The following RAB11FIP2 variants were observed in gnomAD, a reference collection of about 807,000 sequenced individuals.
The protein encoded by RAB11FIP2 is rab11 family-interacting protein 2.
Under a neutral mutation model 40.9 loss-of-function variants are expected in RAB11FIP2, and 16 were observed. The observed-to-expected ratio is 0.39, with a 90% CI of 0.26 to 0.59. RAB11FIP2 has a LOEUF of 0.59. Ranked by LOEUF, RAB11FIP2 falls within the 20% of genes least tolerant of loss-of-function variation. RAB11FIP2 has a pLI of 0.53. For synonymous variants in RAB11FIP2, 228 were observed against 213.7 expected, an observed-to-expected ratio of 1.07 and a Z score of -0.58; for missense variants, 532 against 606.2, an observed-to-expected ratio of 0.88 and a Z score of 1.28.
chr10:118,032,392 G>A (rs1846425229), intron 3 of RAB11FIP2, among the ~76,000 whole-genome samples: 1 of 149,142 alleles, frequency 6.7e-6, no homozygotes, highest in South Asian at 2.1e-4. Context: ...GTGTGTGTGT[G>A]TGCATTAGGT....
At chr10:118,041,629 A>C (rs574426658) in intron 1 of RAB11FIP2, among the ~76,000 whole-genome samples, 10 of 152,254 alleles carry the variant, frequency 6.6e-5, no homozygotes, top group Admixed American at 3.3e-4. Flanking sequence ...GAGTGTAACA[A>C]ATTTTCTTAG....
chr10:118,040,508 CT>C lies in RAB11FIP2; in HGVS notation c.410del (p.Lys137ArgfsTer7). On this transcript the variant is annotated frameshift_variant, in exon 2 of 5. Coordinates refer to ENST00000355624, the MANE Select transcript of RAB11FIP2 (RefSeq NM_014904.3). LOFTEE classifies it high-confidence loss of function. ...TGTTCCTCATAAACTGAATATTGAC[CT>C]TTATCTCACCCCTGTTTTTGATTCG... Reference protein sequence around the residue: ...GKRIKNRGEIKVNIQFMRNNM... With the variant: ...GKRIKNRGEIXVNIQFMRNNM... 6.2e-7 allele frequency: 1 copy of C among 1,612,718 alleles called. No individual in the cohort carries two copies. The highest frequency in any genetic ancestry group is 8.5e-7 in the Non-Finnish European group (1 of 1,179,452).
chr10:118,019,038 C>T (rs987817730), intron 3 of RAB11FIP2, among the ~76,000 whole-genome samples: 1 of 150,670 alleles, frequency 6.6e-6, no homozygotes, highest in Non-Finnish European at 1.5e-5. Flanking sequence ...AAAAACCCTA[C>T]ATAAGAACAA....
intron 3 of RAB11FIP2, among the ~76,000 whole-genome samples, chr10:118,020,706 C>T (rs865989115): frequency 1.3e-5 from 2 of 152,316 alleles, no homozygotes; most frequent in South Asian, 4.1e-4. Context: ...CTGTACTATT[C>T]CTTCTTGATG....
intron 4 of RAB11FIP2, 144 bp downstream of exon 4, chr10:118,014,921 T>C: frequency 1.6e-6 from 1 of 617,928 alleles, no homozygotes. Flanking sequence ...ACTTTCTTTC[T>C]TTCTCCTAAA....
chr10:118,027,208 G>C (rs1846353428), intron 3 of RAB11FIP2, among the ~76,000 whole-genome samples: 1 of 152,152 alleles, frequency 6.6e-6, no homozygotes, highest in Admixed American at 6.5e-5. Context: ...CCATTTTACA[G>C]TTGGAAAAAT....
Position 118,007,557 on chromosome 10 carries a change from A to G in RAB11FIP2, c.*1441T>C, listed in dbSNP as rs1846108200. 6.6e-6 allele frequency: 1 copy of G among 152,028 alleles called. No individual in the cohort carries two copies. The allele number at this position is 152,028 out of a possible 1,614,324, so 9.4% of individuals were successfully genotyped here. On this transcript the variant is annotated 3_prime_UTR_variant, in exon 5 of 5. Coordinates refer to ENST00000355624, the MANE Select transcript of RAB11FIP2 (RefSeq NM_014904.3). ...GCAATTCATGGAAAGATTGGGGAAT[A>G]TGTAAGTCTCCATATGGACATGAAT... is the stretch of plus-strand genomic sequence containing the variant.
chr10:118,022,893 T>A (rs879736205), intron 3 of RAB11FIP2, among the ~76,000 whole-genome samples: 1 of 152,206 alleles, frequency 6.6e-6, no homozygotes, highest in Non-Finnish European at 1.5e-5. Context: ...TAGGGCAATA[T>A]AAGTTCCACC....
intron 3 of RAB11FIP2, among the ~76,000 whole-genome samples, chr10:118,025,180 T>C (rs1041404788): frequency 6.6e-6 from 1 of 152,228 alleles, no homozygotes; most frequent in Non-Finnish European, 1.5e-5. Context: ...TTGTTTTGTG[T>C]AAAATAAAAT....
intron 3 of RAB11FIP2, among the ~76,000 whole-genome samples, chr10:118,035,505 C>A (rs574495706): frequency 1.3e-5 from 2 of 152,020 alleles, no homozygotes; most frequent in African/African-American, 2.4e-5. Context: ...AGGAGGCTAA[C>A]GGAATGAGAG....
chr10:118,038,642 C>G (rs1249586956), intron 3 of RAB11FIP2, among the ~76,000 whole-genome samples: 1 of 152,026 alleles, frequency 6.6e-6, no homozygotes, highest in Non-Finnish European at 1.5e-5. Context: ...ACCTAAATTT[C>G]TGGCTTGAAC....
At chr10:118,042,442 TA>T (rs1846572460) in intron 1 of RAB11FIP2, among the ~76,000 whole-genome samples, 1 of 152,152 alleles carries the variant, frequency 6.6e-6, no homozygotes, top group African/African-American at 2.4e-5. Context: ...GAAAAAAATC[TA>T]AAGTTGATGA....
At chr10:118,026,819 G>T (rs565586758) in intron 3 of RAB11FIP2, among the ~76,000 whole-genome samples, 6 of 152,104 alleles carry the variant, frequency 3.9e-5, no homozygotes, top group Non-Finnish European at 8.8e-5. Context: ...TTAATACAGA[G>T]AATACTTTTA....
intron 4 of RAB11FIP2, among the ~76,000 whole-genome samples, chr10:118,013,548 C>A (rs777306462): frequency 6.6e-6 from 1 of 152,120 alleles, no homozygotes; most frequent in Non-Finnish European, 1.5e-5. Flanking sequence ...TTACTTCAAA[C>A]ATCTTATAAT....
intron 3 of RAB11FIP2, chr10:118,017,812 T>A (rs1846239296): frequency 6.6e-6 from 1 of 152,074 alleles, no homozygotes; most frequent in African/African-American, 2.4e-5. Context: ...AACAGAAATA[T>A]CGGTATTATA....
chr10:118,029,417 A>G (rs933755335), intron 3 of RAB11FIP2, among the ~76,000 whole-genome samples: 2 of 152,128 alleles, frequency 1.3e-5, no homozygotes, highest in Admixed American at 1.3e-4. Flanking sequence ...CTCAACAGCT[A>G]CTTCATGATA....
intron 4 of RAB11FIP2, among the ~76,000 whole-genome samples, chr10:118,013,579 G>A (rs562244040): frequency 6.6e-5 from 10 of 152,120 alleles, no homozygotes; most frequent in Non-Finnish European, 1.2e-4. Context: ...AAAATTGTTC[G>A]AATGCTTTTC....
chr10:118,020,528 G>C (rs148136105), intron 3 of RAB11FIP2, among the ~76,000 whole-genome samples: 33 of 152,234 alleles, frequency 2.2e-4, no homozygotes, highest in African/African-American at 7.7e-4. Context: ...TCTGCCACCG[G>C]GAGGCACCTC....
At position 118,040,271 on chromosome 10, in the gene RAB11FIP2, G is replaced by A. The variant is rs1402053049; in HGVS notation, c.648C>T (p.Leu216=). The A allele has an allele frequency of 6.2e-7, 1 of 1,613,890 alleles. No individual in the cohort carries two copies. Among genetic ancestry groups the A allele is most frequent in the Non-Finnish European group, 8.5e-7 (1 of 1,179,806 alleles). Reference sequence around the variant, plus strand: ...CTGACGAGAGTCGCTGAGGACCCAAGAGAAAAGGCTTTTTTGGTTTGGATT... The same window carrying A: ...CTGACGAGAGTCGCTGAGGACCCAAAAGAAAAGGCTTTTTTGGTTTGGATT... The part of the protein sequence containing the change: ...QMKSKPKKPF[L]LGPQRLSSAH... Residue 216 remains leucine, a synonymous_variant, in exon 2 of 5, where the codon CTC becomes CTT. Transcript: ENST00000355624.
Sources: allele counts gnomAD v4.1 joint callset (sites outside exome capture counted in the v4.1 genomes callset), GRCh38; gene constraint gnomAD v4.1.1; transcripts MANE v1.5; gene names NCBI Gene and HGNC (gene_info 2026-07-23, HGNC 2026-07-21).